The following SPTLC3 variants were observed in gnomAD, a reference collection of about 807,000 sequenced individuals.
SPTLC3 encodes serine palmitoyltransferase long chain base subunit 3, also known as serine palmitoyltransferase 3.
Under a neutral mutation model 59.3 loss-of-function variants are expected in SPTLC3, and 36 were observed. That is an observed-to-expected ratio of 0.61 (90% CI 0.47 to 0.80). SPTLC3 has a LOEUF of 0.80. SPTLC3 is among the 30% of genes least tolerant of loss of function. SPTLC3 has a pLI of 0.00. For synonymous variants in SPTLC3, 257 were observed against 240.8 expected (o/e 1.07, Z -0.62); for missense variants, 625 against 685.1 (o/e 0.91, Z 0.98).
chr20:13,032,572 A>G (rs1433908380), intron 1 of SPTLC3, among the ~76,000 whole-genome samples: 1 of 152,048 alleles, frequency 6.6e-6, no homozygotes, highest in African/African-American at 2.4e-5. Flanking sequence ...CCACCCACCA[A>G]TGGGTGCCCA....
At chr20:13,037,449 T>A (rs1986785428) in intron 1 of SPTLC3, among the ~76,000 whole-genome samples, 1 of 152,222 alleles carries the variant, frequency 6.6e-6, no homozygotes, top group Non-Finnish European at 1.5e-5. Flanking sequence ...AAAGGAGAAT[T>A]TGTGATCTTG....
chr20:13,153,427 C>G (rs2038694846), intron 9 of SPTLC3, among the ~76,000 whole-genome samples: 1 of 152,142 alleles, frequency 6.6e-6, no homozygotes, highest in African/African-American at 2.4e-5. Flanking sequence ...TCTTTCCTCC[C>G]TTCTATTAGT....
intron 4 of SPTLC3, among the ~76,000 whole-genome samples, chr20:13,081,655 G>A (rs190404266): frequency 9.9e-5 from 15 of 151,966 alleles, no homozygotes; most frequent in East Asian, 3.9e-4. Context: ...ATATTTTTAC[G>A]TAAATCAATG....
intron 1 of SPTLC3, among the ~76,000 whole-genome samples, chr20:13,034,895 C>A (rs1986667198): frequency 6.6e-6 from 1 of 152,084 alleles, no homozygotes; most frequent in Non-Finnish European, 1.5e-5. Context: ...AGAGACCACC[C>A]AGGAGGTAAT....
At chr20:13,160,262 T>A (rs912276688) in intron 11 of SPTLC3, 130 bp downstream of exon 11, 69 of 1,142,858 alleles carry the variant, frequency 6.0e-5, no homozygotes, top group Non-Finnish European at 7.6e-5. Context: ...CTGACAAAAG[T>A]CACTGCCAAA....
intron 9 of SPTLC3, among the ~76,000 whole-genome samples, chr20:13,151,345 T>G (rs2038642089): frequency 6.6e-6 from 1 of 152,220 alleles, no homozygotes; most frequent in Non-Finnish European, 1.5e-5. Context: ...GATAGACCAG[T>G]GTATGGCTTC....
At chr20:13,093,302 T>C (rs977998996) in intron 5 of SPTLC3, among the ~76,000 whole-genome samples, 182 bp from the exon 6 acceptor site, 1 of 152,204 alleles carries the variant, frequency 6.6e-6, no homozygotes, top group Non-Finnish European at 1.5e-5. Context: ...CCCATCTCCA[T>C]CAGCTAACTG....
intron 2 of SPTLC3, among the ~76,000 whole-genome samples, chr20:13,052,344 GAT>G (rs887942995): frequency 1.3e-5 from 2 of 152,174 alleles, no homozygotes; most frequent in Non-Finnish European, 2.9e-5. Context: ...TTCTGGTCCA[GAT>G]ACTACACTTT....
intron 9 of SPTLC3, among the ~76,000 whole-genome samples, chr20:13,151,024 A>C (rs566939304): frequency 5.9e-5 from 9 of 152,148 alleles, no homozygotes; most frequent in African/African-American, 1.9e-4. Flanking sequence ...TGATTATTTT[A>C]TTAATGTCTG....
At chr20:13,153,117 A>G (rs2038686720) in intron 9 of SPTLC3, among the ~76,000 whole-genome samples, 1 of 152,168 alleles carries the variant, frequency 6.6e-6, no homozygotes, top group South Asian at 2.1e-4. Context: ...GGGGACTTCA[A>G]TGTTTAATCC....
At chr20:13,052,894 CA>C (rs1987557329) in intron 2 of SPTLC3, among the ~76,000 whole-genome samples, 1 of 152,170 alleles carries the variant, frequency 6.6e-6, no homozygotes, top group Admixed American at 6.5e-5. Context: ...CAGCCCCAGT[CA>C]GGGGTTTATA....
intron 2 of SPTLC3, among the ~76,000 whole-genome samples, chr20:13,065,369 ACC>A (rs1368883803): frequency 2.8e-5 from 4 of 140,544 alleles, no homozygotes; most frequent in Admixed American, 7.3e-5. Context: ...TATGCTTTTT[ACC>A]TTATATTCTA....
At chr20:13,126,540 C>G (rs1034936630) in intron 8 of SPTLC3, 51 bp from the exon 9 acceptor site, 1 of 1,602,156 alleles carries the variant, frequency 6.2e-7, no homozygotes, top group African/African-American at 1.3e-5. Flanking sequence ...TTCCCACCAC[C>G]AGTGTTGAGA....
intron 1 of SPTLC3, among the ~76,000 whole-genome samples, chr20:13,013,551 A>G (rs145202084): frequency 4.7e-4 from 71 of 152,168 alleles, no homozygotes; most frequent in Non-Finnish European, 6.5e-4. Flanking sequence ...CTTGGCTCCT[A>G]TTTCCTTAAA....
At chr20:13,069,626 C>T (rs1412248081) in intron 2 of SPTLC3, among the ~76,000 whole-genome samples, 2 of 152,158 alleles carry the variant, frequency 1.3e-5, no homozygotes, top group Non-Finnish European at 2.9e-5. Context: ...CCGCTGCTCA[C>T]CTCCTGCTGT....
chr20:13,074,663 G>T (rs746029336), intron 4 of SPTLC3, among the ~76,000 whole-genome samples, 166 bp downstream of exon 4: 18 of 152,198 alleles, frequency 1.2e-4, no homozygotes, highest in Admixed American at 3.3e-4. Context: ...TTAGGCTGTT[G>T]CCAGGCAGTT....
chr20:13,131,814 A>G (rs1305019271), intron 9 of SPTLC3, among the ~76,000 whole-genome samples: 1 of 152,050 alleles, frequency 6.6e-6, no homozygotes, highest in Non-Finnish European at 1.5e-5. Context: ...ACTAACTCAT[A>G]CCATGTCACT....
intron 2 of SPTLC3, among the ~76,000 whole-genome samples, chr20:13,069,904 C>T (rs952800580): frequency 6.6e-6 from 1 of 152,110 alleles, no homozygotes; most frequent in Non-Finnish European, 1.5e-5. Context: ...TACTTACACA[C>T]CTACTGCTCT....
intron 4 of SPTLC3, among the ~76,000 whole-genome samples, chr20:13,085,995 A>G (rs1405043809): frequency 6.6e-6 from 1 of 152,228 alleles, no homozygotes; most frequent in Non-Finnish European, 1.5e-5. Context: ...ATCCACTGTC[A>G]ATAGCCAATC....
Sources: gnomAD v4.1 joint callset for allele counts (sites outside exome capture counted in the v4.1 genomes callset) on GRCh38, gnomAD v4.1.1 for gene constraint, MANE v1.5 for transcripts, NCBI Gene and HGNC (gene_info 2026-07-23, HGNC 2026-07-21) for gene names.